The following CCDC91 variants were observed in gnomAD, a reference collection of about 807,000 sequenced individuals.
CCDC91 encodes coiled-coil domain containing 91.
In CCDC91, 48 loss-of-function variants were observed where a neutral mutation model predicts 63.2. The observed-to-expected ratio is 0.76, with a 90% CI of 0.60 to 0.97. The LOEUF is 0.97. Among genes scored for constraint, CCDC91 ranks in the 50% least tolerant of loss-of-function variants. The pLI is 0.00. For synonymous variants in CCDC91, 167 were observed against 165.8 expected (o/e 1.01, Z -0.06); for missense variants, 500 against 494.6 (o/e 1.01, Z -0.10).
chr12:28,198,637 A>C (rs991132358), intron 1 of CCDC91, among the ~76,000 whole-genome samples: 1 of 152,186 alleles, frequency 6.6e-6, no homozygotes, highest in African/African-American at 2.4e-5. Flanking sequence ...AGTTTTCATG[A>C]GATATTTAGA....
At chr12:28,400,389 T>G (rs948207238) in intron 8 of CCDC91, among the ~76,000 whole-genome samples, 1 of 137,496 alleles carries the variant, frequency 7.3e-6, no homozygotes, top group Non-Finnish European at 1.6e-5. Context: ...AAACTATTTT[T>G]CCCCCCTAGG....
At chr12:28,500,880 A>G (rs1346071968) in intron 12 of CCDC91, among the ~76,000 whole-genome samples, 4 of 151,658 alleles carry the variant, frequency 2.6e-5, no homozygotes, top group Non-Finnish European at 4.4e-5. Flanking sequence ...AATCTGTTAG[A>G]GTCTGATAAG....
At chr12:28,519,028 G>A (rs1356224506) in intron 12 of CCDC91, among the ~76,000 whole-genome samples, 1 of 151,698 alleles carries the variant, frequency 6.6e-6, no homozygotes, top group Middle Eastern at 3.2e-3. Flanking sequence ...GGCTATACAG[G>A]CTCTTTTTTG....
chr12:28,262,802 G>A (rs552189042), intron 3 of CCDC91, among the ~76,000 whole-genome samples: 13 of 151,948 alleles, frequency 8.6e-5, no homozygotes, highest in Non-Finnish European at 1.6e-4. Context: ...ATGTAAATAC[G>A]AGATGAATGA....
At chr12:28,305,341 T>C (rs1248389083) in intron 3 of CCDC91, among the ~76,000 whole-genome samples, 1 of 152,040 alleles carries the variant, frequency 6.6e-6, no homozygotes, top group Non-Finnish European at 1.5e-5. Flanking sequence ...ATGAGTATTT[T>C]CTCTATGTTG....
At chr12:28,375,130 GTT>G (rs140076552) in intron 7 of CCDC91, among the ~76,000 whole-genome samples, 2 of 147,878 alleles carry the variant, frequency 1.4e-5, no homozygotes, top group Non-Finnish European at 3.0e-5. Context: ...ACCTTGGGCA[GTT>G]TTTTTTTTTA....
rs375729372 is a variant in CCDC91 at position 28,452,501 on chromosome 12, T to C, written c.948T>C (p.Asp316=). ...AGCTTGAAAAAGAAGCAGTGAAGGA[T>C]GCAGTTTTAAAAGTCGTAGAAGAAG... ...AAKLEKEAVK[D]AVLKVVEEER... Residue 316 remains aspartate (D), a synonymous_variant, in exon 11 of 13, where the codon GAT becomes GAC. Transcript: ENST00000536442. 5 of 1,571,706 alleles carry C rather than the reference T, an allele frequency of 3.2e-6. No homozygotes were observed. The highest frequency in any genetic ancestry group is 2.4e-5 in the South Asian group (2 of 83,978).
At chr12:28,358,563 T>C (rs181176837) in intron 6 of CCDC91, among the ~76,000 whole-genome samples, 1 of 152,364 alleles carries the variant, frequency 6.6e-6, no homozygotes, top group African/African-American at 2.4e-5. Context: ...GTGTGAAATC[T>C]TTCTGATGTC....
At chr12:28,251,851 T>A (rs1946138552) in intron 1 of CCDC91, among the ~76,000 whole-genome samples, 1 of 152,142 alleles carries the variant, frequency 6.6e-6, no homozygotes, top group South Asian at 2.1e-4. Context: ...ATTGTGGAAC[T>A]CAGTTCACTA....
intron 6 of CCDC91, among the ~76,000 whole-genome samples, chr12:28,329,950 C>G (rs988354650): frequency 6.6e-5 from 10 of 152,192 alleles, no homozygotes; most frequent in Non-Finnish European, 1.5e-4. Flanking sequence ...TGGACTCATC[C>G]TTTTTTATGG....
At position 28,259,445 on chromosome 12, in the gene CCDC91, A is replaced by G. The variant is rs1254983706; in HGVS notation, c.109+3A>G. ...TCCTTGGGCTGCCTTTCCTGCAGGT[A>G]TTGGTATCCAGGAATTAGGGTTTTT... On this transcript the variant is annotated splice_donor_region_variant and intron_variant, in intron 3 of 12. Coordinates refer to ENST00000536442, the MANE Select transcript of CCDC91 (RefSeq NM_018318.5). 2 of 1,418,238 alleles carry G rather than the reference A, an allele frequency of 1.4e-6. No homozygotes were observed. The highest frequency in any genetic ancestry group is 2.9e-5 in the African/African-American group (2 of 68,058). 87.9% of individuals were successfully genotyped at this position (1,418,238 alleles called of 1,614,324 possible).
intron 7 of CCDC91, among the ~76,000 whole-genome samples, chr12:28,384,297 C>CT (rs1945469296): frequency 6.6e-6 from 1 of 152,104 alleles, no homozygotes; most frequent in Admixed American, 6.6e-5. Context: ...TACAGTACTG[C>CT]TTGCAAGAAC....
intron 11 of CCDC91, among the ~76,000 whole-genome samples, chr12:28,467,658 A>G (rs1950609907): frequency 6.6e-6 from 1 of 152,114 alleles, no homozygotes; most frequent in African/African-American, 2.4e-5. Context: ...CAGAATTCAC[A>G]TTCTTCTCCT....
chr12:28,342,674 GATGAGGGAAT>G (rs1942516401), intron 6 of CCDC91, among the ~76,000 whole-genome samples: 1 of 152,174 alleles, frequency 6.6e-6, no homozygotes, highest in Non-Finnish European at 1.5e-5. Flanking sequence ...CCCCTGAGTA[GATGAGGGAAT>G]ATAGGATCTA....
chr12:28,275,173 A>G (rs1220966141), intron 3 of CCDC91, among the ~76,000 whole-genome samples: 1 of 152,166 alleles, frequency 6.6e-6, no homozygotes, highest in Non-Finnish European at 1.5e-5. Flanking sequence ...AAATCAATGA[A>G]TCCAGGAGCT....
intron 3 of CCDC91, among the ~76,000 whole-genome samples, chr12:28,273,122 G>C (rs1470778326): frequency 4.6e-5 from 7 of 151,796 alleles, no homozygotes; most frequent in South Asian, 2.1e-4. Context: ...AGTTTGCTGA[G>C]AATGATGGTT....
At chr12:28,385,273 G>A (rs1192592122) in intron 7 of CCDC91, among the ~76,000 whole-genome samples, 1 of 152,090 alleles carries the variant, frequency 6.6e-6, no homozygotes, top group African/African-American at 2.4e-5. Context: ...TAAACTAAGT[G>A]TATAATTACA....
chr12:28,386,859 G>A (rs1945635828), intron 7 of CCDC91, among the ~76,000 whole-genome samples: 1 of 152,094 alleles, frequency 6.6e-6, no homozygotes, highest in Non-Finnish European at 1.5e-5. Flanking sequence ...ATTTCTATCT[G>A]TATATACTGT....
intron 3 of CCDC91, among the ~76,000 whole-genome samples, chr12:28,278,928 A>G (rs1948418097): frequency 1.3e-5 from 2 of 152,068 alleles, no homozygotes. Flanking sequence ...ATGCACATAT[A>G]CATGCATACA....
Sources: gnomAD v4.1 joint callset for allele counts (sites outside exome capture counted in the v4.1 genomes callset) on GRCh38, gnomAD v4.1.1 for gene constraint, MANE v1.5 for transcripts, NCBI Gene and HGNC (gene_info 2026-07-23, HGNC 2026-07-21) for gene names.